Variants in NID2 observed in about 807,000 individuals in gnomAD.
NID2 encodes nidogen 2.
In NID2, 83 loss-of-function variants were observed where a neutral mutation model predicts 145.4. The observed-to-expected ratio is 0.57, with a 90% CI of 0.48 to 0.69. NID2 has a LOEUF of 0.69. NID2 is among the 30% of genes least tolerant of loss of function. The probability of loss-of-function intolerance (pLI) is 0.00; values close to 1 mark genes in which losing one functional copy is unlikely to be tolerated. For synonymous variants in NID2, 739 were observed against 701.3 expected, an observed-to-expected ratio of 1.05 and a Z score of -0.85; for missense variants, 1,807 against 1,765.7, an observed-to-expected ratio of 1.02 and a Z score of -0.42.
chr14:52,018,611 C>A (rs562462158), intron 14 of NID2, among the ~76,000 whole-genome samples: 2 of 152,326 alleles, frequency 1.3e-5, no homozygotes, highest in African/African-American at 4.8e-5. Context: ...CTAATTTTTC[C>A]TATTGATACT....
intron 3 of NID2, among the ~76,000 whole-genome samples, chr14:52,055,308 C>T (rs1892809108): frequency 6.6e-6 from 1 of 152,194 alleles, no homozygotes; most frequent in Non-Finnish European, 1.5e-5. Context: ...CAATAAGCAT[C>T]TGAATTATCA....
chr14:52,054,661 T>C (rs1349177649), intron 3 of NID2, among the ~76,000 whole-genome samples: 1 of 152,188 alleles, frequency 6.6e-6, no homozygotes, highest in Non-Finnish European at 1.5e-5. Flanking sequence ...TGGGCTTTGG[T>C]TGCAACCACT....
intron 5 of NID2, among the ~76,000 whole-genome samples, chr14:52,050,597 T>C (rs1892649616): frequency 6.6e-6 from 1 of 150,512 alleles, no homozygotes; most frequent in African/African-American, 2.4e-5. Flanking sequence ...GGAAGGATGA[T>C]TGTACCTACC....
Position 52,040,680 on chromosome 14 carries a change from TAGGGAG to T in NID2, c.1991_1996del (p.Ser664_Pro665del), listed in dbSNP as rs1566762607. 1.2e-5 allele frequency: 20 copies of T among 1,614,116 alleles called. No individual in the cohort carries two copies. The highest frequency in any genetic ancestry group is 1.6e-5 in the Non-Finnish European group (19 of 1,179,984). On this transcript the variant is annotated inframe_deletion, in exon 8 of 22. Coordinates refer to ENST00000216286, the MANE Select transcript of NID2 (RefSeq NM_007361.4). Reference sequence around the variant, plus strand: ...GTCGGAGTAGTGGTACAGCTCCTTGTAGGGAGAGATGTGGGCTGTGAAATTTGCTGA... The same window carrying T: ...GTCGGAGTAGTGGTACAGCTCCTTGTAGATGTGGGCTGTGAAATTTGCTGA...
Position 52,044,746 on chromosome 14 carries a change from G to A in NID2, c.1430-1815C>T, listed in dbSNP as rs551646104. On this transcript the variant is annotated intron_variant, in intron 5 of 21. Coordinates refer to ENST00000216286, the MANE Select transcript of NID2 (RefSeq NM_007361.4). ...TCCTATTTCAGCCTTTTGAGTAGCC[G>A]CAGCCACAAGCATGCATCACACCTG... 7.2e-5 allele frequency among the ~76,000 whole-genome samples: 11 copies of A among 152,016 alleles called. No homozygotes were observed. The East Asian group carries it at 1.7e-3, about 24-fold the overall frequency.
chr14:52,027,868 C>T (rs763632229), intron 11 of NID2, among the ~76,000 whole-genome samples: 2 of 151,884 alleles, frequency 1.3e-5, no homozygotes, highest in South Asian at 2.1e-4. Context: ...GGATTACAGG[C>T]GTGAGCCACC....
At position 52,053,731 on chromosome 14, in the gene NID2, C is replaced by T; in HGVS notation, c.1277G>A (p.Gly426Glu). 1 of 1,614,240 alleles carries T rather than the reference C, an allele frequency of 6.2e-7. No individual in the cohort carries two copies. The highest frequency in any genetic ancestry group is 8.5e-7 in the Non-Finnish European group (1 of 1,180,048). Residue 426 changes from glycine (G) to glutamate (E), a missense_variant, in exon 5 of 22, where the codon GGA becomes GAA. Coordinates refer to ENST00000216286, the MANE Select transcript of NID2 (RefSeq NM_007361.4). The part of the protein sequence containing the change: ...ENGSIQPYPD[G>E]GPVPSEMDVP... ...ATCCATTTCCGAAGGCACTGGCCCT[C>T]CATCTGGGTAGGGCTGGATGCTTCC...
chr14:52,005,335 A>G lies in NID2; in HGVS notation c.*151T>C, dbSNP rs958668861. On this transcript the variant is annotated 3_prime_UTR_variant, in exon 22 of 22. Transcript: ENST00000216286. ...AAGATTGAGGTATCAGCTTTTCACA[A>G]AAGTCTTTTTGCACTACAAAATGTT... The G allele has an allele frequency of 2.2e-5, 13 of 599,386 alleles. 1 individual carries two copies. Among genetic ancestry groups the G allele is most frequent in the African/African-American group, 3.8e-5 (2 of 53,178 alleles). The allele number at this position is 599,386 out of a possible 1,614,324, so 37.1% of individuals were successfully genotyped here.
At position 52,040,792 on chromosome 14, in the gene NID2, T is replaced by C. The variant is rs768552819; in HGVS notation, c.1885A>G (p.Ile629Val). The C allele has an allele frequency of 1.2e-6, 2 of 1,614,202 alleles. No individual in the cohort carries two copies. Among genetic ancestry groups the C allele is most frequent in the South Asian group, 1.1e-5 (1 of 91,078 alleles). Residue 629 changes from isoleucine to valine, a missense_variant, in exon 8 of 22, where the codon ATC becomes GTC. By Grantham distance (29) the Ile-to-Val change is conservative. Coordinates refer to ENST00000216286, the MANE Select transcript of NID2 (RefSeq NM_007361.4). ...TCAAGTCCCTCAGCAGTTTGAGTGA[T>C]ACGAACCGTCTCCTCTCCCGGGTAG... The part of the protein sequence containing the change: ...TFYPGEETVR[I>V]TQTAEGLDPE...
chr14:52,036,778 T>G (rs1378116153), intron 9 of NID2, among the ~76,000 whole-genome samples: 1 of 152,252 alleles, frequency 6.6e-6, no homozygotes, highest in African/African-American at 2.4e-5. Context: ...TCTTTACACA[T>G]GCCCATTGGG....
At chr14:52,011,409 CTAGTCTTA>C in intron 17 of NID2, 137 bp downstream of exon 17, 1 of 904,670 alleles carries the variant, frequency 1.1e-6, no homozygotes, top group Non-Finnish European at 1.7e-6. Flanking sequence ...ACAGAGGGGG[CTAGTCTTA>C]TACAGCTCAA....
In NID2 at chr14:52,015,076, G is replaced by A; in HGVS notation, c.3228C>T (p.Ser1076=). 1.2e-6 allele frequency: 2 copies of A among 1,613,876 alleles called. No homozygotes were observed. The highest frequency in any genetic ancestry group is 1.7e-6 in the Non-Finnish European group (2 of 1,179,894). ...KDGREVQGTR[S]QPGTTPACIP... ...TACACGCAGGGGTGGTGCCTGGCTG[G>A]GAGCGGGTGCCCTGCACCTCTCTGC... Residue 1076 remains serine, a synonymous_variant, in exon 15 of 22, where the codon TCC becomes TCT. Coordinates refer to ENST00000216286, the MANE Select transcript of NID2 (RefSeq NM_007361.4).
At chr14:52,028,908 G>A (rs1891696669) in intron 10 of NID2, 58 bp from the exon 11 acceptor site, 17 of 1,578,692 alleles carry the variant, frequency 1.1e-5, no homozygotes, top group East Asian at 2.3e-5. Flanking sequence ...AGAAGTGGAG[G>A]GTCTAAAAAC....
At chr14:52,013,232 AC>A (rs766393185) in intron 16 of NID2, among the ~76,000 whole-genome samples, 25 of 152,108 alleles carry the variant, frequency 1.6e-4, no homozygotes, top group South Asian at 6.2e-4. Flanking sequence ...TACCATCACC[AC>A]CCTGTCCTGG....
At chr14:52,064,512 T>A (rs1403254385) in intron 2 of NID2, among the ~76,000 whole-genome samples, 1 of 152,170 alleles carries the variant, frequency 6.6e-6, no homozygotes, top group African/African-American at 2.4e-5. Context: ...AATCCAGTAA[T>A]CCATGAATGA....
chr14:52,027,478 G>C, intron 11 of NID2, 134 bp from the exon 12 acceptor site: 1 of 661,500 alleles, frequency 1.5e-6, no homozygotes. Flanking sequence ...CCAAGGTCCA[G>C]TGATTCAGAA....
Position 52,038,951 on chromosome 14 carries a change from A to C in NID2, c.2053T>G (p.Tyr685Asp), listed in dbSNP as rs749946427. 4.3e-6 allele frequency: 7 copies of C among 1,613,814 alleles called. No homozygotes were observed. In the East Asian group the frequency reaches 1.3e-4, roughly 31 times the overall value. ...STVTSTSSRD[Y>D]SLTFGAINQT... Reference sequence around the variant, plus strand: ...TTGATTGCACCAAAAGTCAGAGAGTAGTCTCTGGAACTTGTAGAGGTCACA... The same window carrying C: ...TTGATTGCACCAAAAGTCAGAGAGTCGTCTCTGGAACTTGTAGAGGTCACA... The change falls in exon 9 of 22, where the codon TAC becomes GAC. Residue 685 changes from tyrosine to aspartate, a missense_variant. Coordinates refer to ENST00000216286, the MANE Select transcript of NID2 (RefSeq NM_007361.4).
In NID2 at chr14:52,046,322, C is replaced by CAAA. The variant is rs1555365268; in HGVS notation, c.1430-3394_1430-3392dup. On this transcript the variant is annotated intron_variant, in intron 5 of 21. Coordinates refer to ENST00000216286, the MANE Select transcript of NID2 (RefSeq NM_007361.4). ...TGGGCGACAGAGAGAGACTCCATCT[C>CAAA]AAAAAAAAAAAAAAAAAAAAGCCGT... Among the ~76,000 whole-genome samples the CAAA allele has an allele frequency of 1.3e-3, 42 of 31,916 alleles. 1 individual carries two copies. The highest frequency in any genetic ancestry group is 5.6e-3 in the African/African-American group (31 of 5,528). The allele number at this position is 31,916 out of a possible 152,430, so 20.9% of individuals were successfully genotyped here.
intron 15 of NID2, among the ~76,000 whole-genome samples, 169 bp downstream of exon 15, chr14:52,014,885 C>T (rs560462616): frequency 2.6e-4 from 39 of 152,258 alleles, no homozygotes; most frequent in South Asian, 6.2e-4. Flanking sequence ...AGACACCAAA[C>T]GCAAATTGGG....
Sources: allele counts gnomAD v4.1 joint callset (sites outside exome capture counted in the v4.1 genomes callset), GRCh38; gene constraint gnomAD v4.1.1; transcripts MANE v1.5; gene names NCBI Gene and HGNC (gene_info 2026-07-23, HGNC 2026-07-21).